BRAT1: variants seen among roughly 807,000 people sequenced by gnomAD.
BRAT1 encodes integrator complex assembly factor BRAT1.
In BRAT1, 74 loss-of-function variants were observed where a neutral mutation model predicts 70.6. The ratio of observed to expected loss-of-function variants is 1.05; its 90% confidence interval spans 0.87 to 1.27. The LOEUF is 1.27. BRAT1 is among the 50% of genes most tolerant of loss of function. BRAT1 has a pLI of 0.00. For synonymous variants in BRAT1, 615 were observed against 517.1 expected (o/e 1.19, Z -2.57); for missense variants, 1,203 against 1,098.2 (o/e 1.10, Z -1.35).
At chr7:2,550,228 A>G (rs903010087) in intron 2 of BRAT1, among the ~76,000 whole-genome samples, 2 of 151,732 alleles carry the variant, frequency 1.3e-5, no homozygotes, top group Admixed American at 6.6e-5. Flanking sequence ...GCGATTTGAG[A>G]GGCCAAGGCG....
intron 4 of BRAT1, among the ~76,000 whole-genome samples, chr7:2,544,603 T>C (rs1779460991): frequency 6.6e-6 from 1 of 152,132 alleles, no homozygotes; most frequent in Non-Finnish European, 1.5e-5. Flanking sequence ...TGGGCTCAAG[T>C]GATCCTCTTG....
rs1463709823 is a variant in BRAT1 at position 2,537,998 on chromosome 7, G to T, written c.*71C>A. Reference sequence around the variant, plus strand: ...GGGCTGGGCTGGAGCCCTGGGGCTGGCAGTGTCCCACAGAAGGACATGGTG... The same window carrying T: ...GGGCTGGGCTGGAGCCCTGGGGCTGTCAGTGTCCCACAGAAGGACATGGTG... On this transcript the variant is annotated 3_prime_UTR_variant, in exon 14 of 14. Transcript: ENST00000340611. The T allele has an allele frequency of 1.4e-6, 2 of 1,459,908 alleles. No individual in the cohort carries two copies. Among genetic ancestry groups the T allele is most frequent in the Non-Finnish European group, 1.8e-6 (2 of 1,108,102 alleles). The allele number at this position is 1,459,908 out of a possible 1,614,324, so 90.4% of individuals were successfully genotyped here.
intron 13 of BRAT1, 28 bp from the exon 14 acceptor site, chr7:2,538,792 G>A (rs1459276024): frequency 6.3e-7 from 1 of 1,597,164 alleles, no homozygotes; most frequent in Admixed American, 1.7e-5. Flanking sequence ...AGTGCGGATG[G>A]TTGGTGGGGT....
At chr7:2,538,844 G>A in intron 13 of BRAT1, 80 bp from the exon 14 acceptor site, 3 of 1,561,920 alleles carry the variant, frequency 1.9e-6, no homozygotes, top group Non-Finnish European at 2.6e-6. Flanking sequence ...GGTACATGAT[G>A]GGGGCTGGCC....
At position 2,543,179 on chromosome 7, in the gene BRAT1, G is replaced by A; in HGVS notation, c.923+25C>T. 1 of 1,539,920 alleles carries A rather than the reference G, an allele frequency of 6.5e-7. No individual in the cohort carries two copies. Among genetic ancestry groups the A allele is most frequent in the Non-Finnish European group, 8.8e-7 (1 of 1,142,546 alleles). ...GCCCCAGCTCCCAGCACCCGCCTCG[G>A]AATGAAATGCACCCCAGACCATACC... On this transcript the variant is annotated intron_variant, in intron 6 of 13. Transcript: ENST00000340611. This position sits in a 1 kb window ranked among gnomAD's most constrained non-coding sequence, Gnocchi z 5.5.
chr7:2,539,722 CA>C (rs1778994672), intron 11 of BRAT1, 63 bp downstream of exon 11: 2 of 1,555,346 alleles, frequency 1.3e-6, no homozygotes, highest in South Asian at 2.4e-5. Flanking sequence ...CCATTCCACC[CA>C]GCCCCTGCTG....
Position 2,554,408 on chromosome 7 carries a change from C to T in BRAT1, c.24G>A (p.Leu8=). Residue 8 remains leucine (L), a synonymous_variant, in exon 2 of 14, where the codon CTG becomes CTA. Coordinates refer to ENST00000340611, the MANE Select transcript of BRAT1 (RefSeq NM_152743.4). MDPECAQ[L]LPALCAVLVD... ...CCAGAACAGCACAGAGAGCCGGGAGCAGCTGGGCGCATTCTGGGTCCATGG... is the reference window on the plus strand; with the variant it reads ...CCAGAACAGCACAGAGAGCCGGGAGTAGCTGGGCGCATTCTGGGTCCATGG... The T allele has an allele frequency of 6.2e-7, 1 of 1,613,678 alleles. No homozygotes were observed. Among genetic ancestry groups the T allele is most frequent in the Non-Finnish European group, 8.5e-7 (1 of 1,179,836 alleles).
chr7:2,547,549 C>T (rs1407878709), intron 2 of BRAT1, 71 bp from the exon 3 acceptor site: 3 of 1,529,680 alleles, frequency 2.0e-6, no homozygotes. Context: ...GACCGCTCTT[C>T]TCCTAGCAAT....
At position 2,544,142 on chromosome 7, in the gene BRAT1, C is replaced by T. The variant is rs576293069; in HGVS notation, c.431-180G>A. 4.1e-5 allele frequency: 20 copies of T among 483,496 alleles called. No homozygotes were observed. In the East Asian group the frequency reaches 6.8e-4, roughly 16 times the overall value. 30.0% of individuals were successfully genotyped at this position (483,496 alleles called of 1,614,324 possible). A position where few individuals can be genotyped will look rare whatever the true frequency, so the allele number is the denominator to read the frequency against. On this transcript the variant is annotated intron_variant, in intron 4 of 13. Coordinates refer to ENST00000340611, the MANE Select transcript of BRAT1 (RefSeq NM_152743.4). ...AGCTCCCTGGAGACAAGCACCTCCT[C>T]CCCCCGAGCGTTAAACACACACAGC...
At chr7:2,539,031 C>T in intron 13 of BRAT1, 148 bp downstream of exon 13, 1 of 1,441,292 alleles carries the variant, frequency 6.9e-7, no homozygotes, top group Non-Finnish European at 9.1e-7. Context: ...CAGCACAGCC[C>T]CAGGGCCTCG....
chr7:2,554,659 G>C (rs553878087), intron 1 of BRAT1, among the ~76,000 whole-genome samples: 35 of 152,354 alleles, frequency 2.3e-4, no homozygotes, highest in African/African-American at 8.2e-4. Flanking sequence ...GCTGGTGGCG[G>C]GGCTGAAAGG....
intron 3 of BRAT1, among the ~76,000 whole-genome samples, chr7:2,546,029 C>T (rs544121118): frequency 2.0e-5 from 3 of 152,358 alleles, no homozygotes; most frequent in South Asian, 2.1e-4. Context: ...TCGTGGTAGA[C>T]GGGCAAGGGC....
chr7:2,542,979 C>T (rs1779297153), intron 6 of BRAT1: 2 of 435,596 alleles, frequency 4.6e-6, no homozygotes, highest in East Asian at 4.6e-5. Context: ...TCCTTCTCAC[C>T]TCTGGGGATC....
In BRAT1 at chr7:2,543,764, G is replaced by A. The variant is rs1436463419; in HGVS notation, c.629C>T (p.Ala210Val). The A allele has an allele frequency of 6.2e-7, 1 of 1,606,826 alleles. No homozygotes were observed. Among genetic ancestry groups the A allele is most frequent in the South Asian group, 1.1e-5 (1 of 90,752 alleles). Residue 210 changes from alanine to valine, a missense_variant, in exon 5 of 14, where the codon GCC (alanine) becomes GTC (valine). Transcript: ENST00000340611. This position sits in a 1 kb window ranked among gnomAD's most constrained non-coding sequence, Gnocchi z 5.5. ...CAGGGCCTGAGTGACCTTGGGGGTG[G>A]CCGCGGAGCACAAGGACTCTTCAAC... is the stretch of plus-strand genomic sequence containing the variant. ...DHVEESLCSA[A>V]TPKVTQALNV...
chr7:2,544,361 C>G (rs1779439037), intron 4 of BRAT1: 2 of 176,754 alleles, frequency 1.1e-5, no homozygotes, highest in Non-Finnish European at 2.4e-5. Context: ...CGCCATCATG[C>G]CCGGCTAATT....
In BRAT1 at chr7:2,543,630, C is replaced by T. The variant is rs149503475; in HGVS notation, c.763G>A (p.Ala255Thr). 228 of 1,536,024 alleles carry T rather than the reference C, an allele frequency of 1.5e-4. No individual in the cohort carries two copies. Among genetic ancestry groups the T allele is most frequent in the Non-Finnish European group, 1.9e-4 (213 of 1,136,726 alleles). Residue 255 changes from alanine (A) to threonine (T), a missense_variant, in exon 5 of 14, where the codon GCC (alanine) becomes ACC (threonine). By Grantham distance (58) the Ala-to-Thr change is moderately conservative. Transcript: ENST00000340611. The surrounding 1 kb of genome is among the most constrained non-coding windows in gnomAD (Gnocchi z 5.5). ...AGCAGGTCCACGAACGAGTGTGCGGCGGGGATGGGGTCTCTCTCCAGCAGA... is the reference window on the plus strand; with the variant it reads ...AGCAGGTCCACGAACGAGTGTGCGGTGGGGATGGGGTCTCTCTCCAGCAGA... ...ACLLERDPIP[A>T]AHSFVDLLLC...
At position 2,538,756 on chromosome 7, in the gene BRAT1, G is replaced by A. The variant is rs773345466; in HGVS notation, c.1779C>T (p.Phe593=). 9 of 1,598,228 alleles carry A rather than the reference G, an allele frequency of 5.6e-6. No homozygotes were observed. The Admixed American group carries it at 6.7e-5, about 12-fold the overall frequency. ...CGGAGAGGATGTGCAGGAGCTCCAG[G>A]AACAGGCTCTGGGGGACAGGGAGCA... is the stretch of plus-strand genomic sequence containing the variant. The part of the protein sequence containing the change: ...PEHAEARQSL[F]LELLHILSVD... Residue 593 remains phenylalanine (F), a synonymous_variant, in exon 14 of 14, where the codon TTC becomes TTT. Coordinates refer to ENST00000340611, the MANE Select transcript of BRAT1 (RefSeq NM_152743.4).
intron 1 of BRAT1, among the ~76,000 whole-genome samples, chr7:2,554,808 C>T (rs527327964): frequency 1.3e-5 from 2 of 152,308 alleles, no homozygotes; most frequent in Admixed American, 6.5e-5. Context: ...TCTTTGAGTT[C>T]CGGGGTCAGC....
chr7:2,540,543 C>T (rs76528526), intron 10 of BRAT1: 2,306 of 168,734 alleles, frequency 0.014, 43 homozygotes, highest in African/African-American at 0.05. Flanking sequence ...AAGCCCTGGG[C>T]CCTTCCTCCA....
Sources: gnomAD v4.1 joint callset for allele counts (sites outside exome capture counted in the v4.1 genomes callset) on GRCh38, gnomAD v4.1.1 for gene constraint, Gnocchi (gnomAD v3.1) non-coding constraint, MANE v1.5 for transcripts, NCBI Gene and HGNC (gene_info 2026-07-23, HGNC 2026-07-21) for gene names.